Variants in APPBP2 observed in about 807,000 individuals in gnomAD.
The protein encoded by APPBP2 is amyloid beta precursor protein binding protein 2.
In APPBP2, 15 loss-of-function variants were observed where a neutral mutation model predicts 76.0. The observed-to-expected ratio is 0.20, with a 90% CI of 0.13 to 0.30. The LOEUF is 0.30. Ranked by LOEUF, APPBP2 falls within the 10% of genes least tolerant of loss-of-function variation. APPBP2 has a pLI of 1.00. For missense variants in APPBP2, 401 were observed against 687.2 expected, an observed-to-expected ratio of 0.58 and a Z score of 4.66; for synonymous variants, 222 against 242.2, an observed-to-expected ratio of 0.92 and a Z score of 0.77.
intron 1 of APPBP2, among the ~76,000 whole-genome samples, chr17:60,517,954 A>T (rs1353492411): frequency 6.6e-6 from 1 of 152,002 alleles, no homozygotes; most frequent in East Asian, 1.9e-4. Context: ...TAGTTGCCTT[A>T]GCTGCCTTTT....
chr17:60,517,732 C>T (rs904765311), intron 1 of APPBP2, among the ~76,000 whole-genome samples: 13 of 152,122 alleles, frequency 8.5e-5, no homozygotes, highest in African/African-American at 3.1e-4. Flanking sequence ...ATCCATTGGT[C>T]TATTTGTCAA....
chr17:60,450,645 G>A (rs1395731911), intron 12 of APPBP2, among the ~76,000 whole-genome samples: 1 of 151,306 alleles, frequency 6.6e-6, no homozygotes, highest in Admixed American at 6.6e-5. Context: ...GGGTGTGCTG[G>A]TGCACATCTG....
chr17:60,479,127 A>G (rs2090611373), intron 4 of APPBP2, 21 bp downstream of exon 4: 1 of 1,603,426 alleles, frequency 6.2e-7, no homozygotes, highest in Non-Finnish European at 8.5e-7. Flanking sequence ...GCACGTAATT[A>G]CAGGATATGT....
At chr17:60,494,757 T>TG in intron 2 of APPBP2, 140 bp from the exon 3 acceptor site, 1 of 751,216 alleles carries the variant, frequency 1.3e-6, no homozygotes, top group Non-Finnish European at 2.0e-6. Context: ...CCTTATCAAT[T>TG]ACAAGGCCAT....
chr17:60,452,269 A>C (rs2090400948), intron 11 of APPBP2, among the ~76,000 whole-genome samples: 1 of 152,246 alleles, frequency 6.6e-6, no homozygotes, highest in African/African-American at 2.4e-5. Context: ...CTATGTCAAA[A>C]GTAACAAGTG....
At chr17:60,523,877 CTTAA>C (rs2143514094) in intron 1 of APPBP2, among the ~76,000 whole-genome samples, 1 of 152,094 alleles carries the variant, frequency 6.6e-6, no homozygotes, top group African/African-American at 2.4e-5. Context: ...GGTTTGAGAC[CTTAA>C]TTAAATTACT....
intron 12 of APPBP2, 32 bp downstream of exon 12, chr17:60,451,848 A>C: frequency 1.9e-6 from 3 of 1,565,548 alleles, no homozygotes; most frequent in Non-Finnish European, 2.6e-6. Flanking sequence ...ATTTGTAATC[A>C]ACTGACTAAA....
chr17:60,451,260 A>G (rs1375096183), intron 12 of APPBP2, among the ~76,000 whole-genome samples: 1 of 152,136 alleles, frequency 6.6e-6, no homozygotes, highest in African/African-American at 2.4e-5. Flanking sequence ...GAGGGGGAGG[A>G]ATGAGTGGGC....
In APPBP2 at chr17:60,460,740, G is replaced by A. The variant is rs200506519; in HGVS notation, c.984C>T (p.His328=). 138 of 1,613,752 alleles carry A rather than the reference G, an allele frequency of 8.6e-5. No individual in the cohort carries two copies. Among genetic ancestry groups the A allele is most frequent in the Non-Finnish European group, 1.1e-4 (126 of 1,179,772 alleles). ...RQSVFGGKNI[H]VATAHEDLAY... is the part of the protein sequence containing the mutation. ...CCAAATCTTCATGAGCTGTTGCTACGTGGATATTTTTGCCACCAAACACTG... is the reference window on the plus strand; with the variant it reads ...CCAAATCTTCATGAGCTGTTGCTACATGGATATTTTTGCCACCAAACACTG... The change falls in exon 9 of 13, where the codon CAC becomes CAT. Residue 328 remains histidine (H), a synonymous_variant. Transcript: ENST00000083182.
intron 4 of APPBP2, among the ~76,000 whole-genome samples, chr17:60,469,803 T>C (rs2090538733): frequency 6.6e-6 from 1 of 152,224 alleles, no homozygotes; most frequent in Non-Finnish European, 1.5e-5. Context: ...GGATTGTTTT[T>C]ATCTTTTGAC....
At chr17:60,499,989 G>A (rs2090809044) in intron 2 of APPBP2, among the ~76,000 whole-genome samples, 1 of 151,536 alleles carries the variant, frequency 6.6e-6, no homozygotes, top group Non-Finnish European at 1.5e-5. Flanking sequence ...GAATGGTGTT[G>A]ATGGTTGCAC....
intron 10 of APPBP2, 48 bp downstream of exon 10, chr17:60,456,248 C>T (rs371962281): frequency 8.1e-6 from 10 of 1,236,216 alleles, no homozygotes; most frequent in Non-Finnish European, 1.2e-5. Flanking sequence ...TATTTTATAC[C>T]ATATATCATC....
intron 3 of APPBP2, 88 bp downstream of exon 3, chr17:60,494,378 T>C (rs2090756139): frequency 1.4e-6 from 2 of 1,474,216 alleles, no homozygotes; most frequent in South Asian, 2.5e-5. Flanking sequence ...TACGTAGACT[T>C]TGGGAAAGCC....
rs1243702649 is a variant in APPBP2 at position 60,525,781 on chromosome 17, C to G, written c.138+13G>C. The G allele has an allele frequency of 6.2e-7, 1 of 1,612,920 alleles. No homozygotes were observed. The highest frequency in any genetic ancestry group is 1.1e-5 in the South Asian group (1 of 91,006). Reference sequence around the variant, plus strand: ...TGCTGGAGGAGAGCAGAGAGGAGGCCCACGGCGCATACCTTGTAGTAAACA... The same window carrying G: ...TGCTGGAGGAGAGCAGAGAGGAGGCGCACGGCGCATACCTTGTAGTAAACA... On this transcript the variant is annotated intron_variant, in intron 1 of 12. Coordinates refer to ENST00000083182, the MANE Select transcript of APPBP2 (RefSeq NM_006380.5).
intron 2 of APPBP2, among the ~76,000 whole-genome samples, chr17:60,497,227 A>G (rs2090783258): frequency 6.6e-6 from 1 of 152,226 alleles, no homozygotes; most frequent in East Asian, 1.9e-4. Flanking sequence ...CTGTATGGTA[A>G]GTAAAAGAAG....
At chr17:60,460,600 G>GA (rs912854131) in intron 9 of APPBP2, 63 bp downstream of exon 9, 38 of 1,538,960 alleles carry the variant, frequency 2.5e-5, no homozygotes, top group Admixed American at 5.7e-5. Flanking sequence ...TCCCTAATGG[G>GA]AAAAAACAAA....
chr17:60,460,704 A>G lies in APPBP2; in HGVS notation c.1020T>C (p.Ser340=). 6.2e-7 allele frequency: 1 copy of G among 1,613,830 alleles called. No homozygotes were observed. Among genetic ancestry groups the G allele is most frequent in the Non-Finnish European group, 8.5e-7 (1 of 1,179,788 alleles). ...ATAHEDLAYS[S]YVHQYSSGKF... Reference sequence around the variant, plus strand: ...TCCCAGAGCTATACTGGTGGACATAAGAAGAGTAGGCCAAATCTTCATGAG... The same window carrying G: ...TCCCAGAGCTATACTGGTGGACATAGGAAGAGTAGGCCAAATCTTCATGAG... Residue 340 remains serine (S), a synonymous_variant, in exon 9 of 13, where the codon TCT becomes TCC. Transcript: ENST00000083182.
chr17:60,510,101 T>C (rs1480685543), intron 1 of APPBP2, among the ~76,000 whole-genome samples: 4 of 151,694 alleles, frequency 2.6e-5, no homozygotes, highest in Non-Finnish European at 5.9e-5. Flanking sequence ...TATTATGCTC[T>C]GATCTCAAAA....
chr17:60,516,665 T>C (rs1468608167), intron 1 of APPBP2, among the ~76,000 whole-genome samples: 1 of 152,224 alleles, frequency 6.6e-6, no homozygotes, highest in Non-Finnish European at 1.5e-5. Context: ...CTATTATGAA[T>C]AGCAGTGCTA....
Sources: gnomAD v4.1 joint callset for allele counts (sites outside exome capture counted in the v4.1 genomes callset) on GRCh38, gnomAD v4.1.1 for gene constraint, MANE v1.5 for transcripts, NCBI Gene and HGNC (gene_info 2026-07-23, HGNC 2026-07-21) for gene names.